Variants in PAFAH1B2 observed in about 807,000 individuals in gnomAD.
PAFAH1B2 encodes the protein platelet activating factor acetylhydrolase 1b catalytic subunit 2, also known as platelet-activating factor acetylhydrolase IB subunit alpha2.
A neutral mutation model predicts 28.0 loss-of-function variants in PAFAH1B2; 8 were observed. The ratio of observed to expected loss-of-function variants is 0.29; its 90% CI spans 0.17 to 0.52. The LOEUF is 0.52. Ranked by LOEUF, PAFAH1B2 falls within the 20% of genes least tolerant of loss-of-function variation. The pLI is 0.97. For missense variants in PAFAH1B2, 190 were observed against 282.6 expected (o/e 0.67, Z 2.35); for synonymous variants, 104 against 103.2 (o/e 1.01, Z -0.05).
chr11:117,147,888 G>A (rs961138468), intron 1 of PAFAH1B2, among the ~76,000 whole-genome samples: 15 of 151,946 alleles, frequency 9.9e-5, no homozygotes, highest in African/African-American at 3.6e-4. Flanking sequence ...TTTGTTCCTC[G>A]GTTTCTCTAT....
chr11:117,175,522 T>C, downstream of PAFAH1B2: 4 of 1,099,166 alleles, frequency 3.6e-6, no homozygotes, highest in Non-Finnish European at 4.4e-6. Flanking sequence ...AAGGGAAGGA[T>C]CCCTTCAGAG....
chr11:117,175,145 C>T (rs971302590), downstream of PAFAH1B2: 5 of 1,193,062 alleles, frequency 4.2e-6, no homozygotes, highest in Admixed American at 1.8e-4. Flanking sequence ...TGGCCCCACC[C>T]TGACCGCTTG....
downstream of PAFAH1B2, among the ~76,000 whole-genome samples, chr11:117,172,368 A>C (rs1956670606): frequency 4.2e-4 from 2 of 4,710 alleles, no homozygotes; most frequent in Non-Finnish European, 6.6e-4. Context: ...ATATATATAT[A>C]TATATATATA....
chr11:117,149,890 C>T (rs995888151), intron 1 of PAFAH1B2, among the ~76,000 whole-genome samples: 2 of 151,870 alleles, frequency 1.3e-5, no homozygotes, highest in Non-Finnish European at 2.9e-5. Flanking sequence ...CTCAGGAGTT[C>T]GAGACCAGTC....
chr11:117,152,576 T>G (rs779795490), intron 2 of PAFAH1B2, 48 bp downstream of exon 2: 2 of 1,331,570 alleles, frequency 1.5e-6, no homozygotes, highest in Non-Finnish European at 2.2e-6. Context: ...AGTCTCCAGT[T>G]TTTTGTCTGT....
chr11:117,148,652 G>A (rs923986227), intron 1 of PAFAH1B2, among the ~76,000 whole-genome samples: 12 of 152,154 alleles, frequency 7.9e-5, no homozygotes, highest in Non-Finnish European at 1.2e-4. Context: ...GCTGGGAGTG[G>A]TAGTGTGTGC....
At chr11:117,162,043 TATATC>T (rs1420179163) in intron 4 of PAFAH1B2, among the ~76,000 whole-genome samples, 1 of 152,192 alleles carries the variant, frequency 6.6e-6, no homozygotes, top group Non-Finnish European at 1.5e-5. Context: ...CCCAGTATCT[TATATC>T]ATAAATACTC....
chr11:117,171,681 G>A (rs570966706), downstream of PAFAH1B2: 359 of 1,534,220 alleles, frequency 2.3e-4, no homozygotes, highest in African/African-American at 2.2e-3. Flanking sequence ...AACAAGGGTC[G>A]GTTAACTGGT....
chr11:117,161,127 A>C lies in PAFAH1B2; in HGVS notation c.172-18A>C. On this transcript the variant is annotated intron_variant, in intron 3 of 5. Coordinates refer to ENST00000527958, the MANE Select transcript of PAFAH1B2 (RefSeq NM_002572.4). ...CCCCTAGTTTTAGGTACACTAAATCAAGTTTTTCTTTTTTTAGATATGGCG... is the reference window on the plus strand; with the variant it reads ...CCCCTAGTTTTAGGTACACTAAATCCAGTTTTTCTTTTTTTAGATATGGCG... 1 of 1,506,702 alleles carries C rather than the reference A, an allele frequency of 6.6e-7. No individual in the cohort carries two copies. Among genetic ancestry groups the C allele is most frequent in the Non-Finnish European group, 9.1e-7 (1 of 1,102,332 alleles). The allele number at this position is 1,506,702 out of a possible 1,614,324, so 93.3% of individuals were successfully genotyped here. A position where few individuals can be genotyped will look rare whatever the true frequency, so the allele number is the denominator to read the frequency against.
downstream of PAFAH1B2, among the ~76,000 whole-genome samples, chr11:117,173,963 C>T (rs562887476): frequency 5.3e-5 from 8 of 152,288 alleles, no homozygotes; most frequent in South Asian, 1.4e-3. Flanking sequence ...TCATTTCCTT[C>T]AGAGGGGTTG....
At chr11:117,175,872 G>T (rs746558268), downstream of PAFAH1B2, 1 of 1,532,336 alleles carries the variant, frequency 6.5e-7, no homozygotes, top group South Asian at 1.2e-5. Context: ...GACCAGCCTG[G>T]GCAATGTATC....
chr11:117,155,729 C>T (rs745637132), intron 2 of PAFAH1B2, among the ~76,000 whole-genome samples: 1 of 151,910 alleles, frequency 6.6e-6, no homozygotes, highest in East Asian at 1.9e-4. Context: ...TTACTAGATT[C>T]ACAAAAAGAG....
At chr11:117,163,735 A>G (rs1409426764) in intron 4 of PAFAH1B2, 35 bp from the exon 5 acceptor site, 4 of 1,602,984 alleles carry the variant, frequency 2.5e-6, no homozygotes, top group Non-Finnish European at 3.4e-6. Context: ...CTGGGTATTT[A>G]TCTTCTCCTT....
rs1451827629 is a variant in PAFAH1B2 at position 117,161,271 on chromosome 11, A to G, written c.288+10A>G. 1 of 1,420,168 alleles carries G rather than the reference A, an allele frequency of 7.0e-7. No individual in the cohort carries two copies. 88.0% of individuals were successfully genotyped at this position (1,420,168 alleles called of 1,614,324 possible). A position where few individuals can be genotyped will look rare whatever the true frequency, so the allele number is the denominator to read the frequency against. On this transcript the variant is annotated intron_variant, in intron 4 of 5. Transcript: ENST00000527958. ...GAATATTAAGCCTAAGGTGAAATGA[A>G]AGTTACTTGTCAATGTCATTAATCT...
At chr11:117,173,827 A>G (rs1956723043), downstream of PAFAH1B2, among the ~76,000 whole-genome samples, 1 of 152,196 alleles carries the variant, frequency 6.6e-6, no homozygotes, top group Non-Finnish European at 1.5e-5. Context: ...AAAGAACAGA[A>G]CTTGTATGAT....
chr11:117,155,663 G>A (rs1591738765), intron 2 of PAFAH1B2, among the ~76,000 whole-genome samples: 1 of 151,914 alleles, frequency 6.6e-6, no homozygotes, highest in East Asian at 1.9e-4. Flanking sequence ...GATTTATTTT[G>A]ACTAAGAATT....
Position 117,168,437 on chromosome 11 carries a change from C to T in PAFAH1B2, c.*738C>T, listed in dbSNP as rs1225517369. 1.3e-4 allele frequency: 89 copies of T among 699,896 alleles called. No individual in the cohort carries two copies. The highest frequency in any genetic ancestry group is 1.8e-4 in the African/African-American group (6 of 33,540). The allele number at this position is 699,896 out of a possible 1,614,324, so 43.4% of individuals were successfully genotyped here. The stretch of plus-strand genomic sequence containing the variant: ...GCCCCCCTTTCCCCTTCATTCCCCC[C>T]GCCACCCCGTTTTTTTTTTTTTTTT... On this transcript the variant is annotated 3_prime_UTR_variant, in exon 6 of 6. Transcript: ENST00000527958.
intron 5 of PAFAH1B2, 125 bp downstream of exon 5, chr11:117,164,017 T>G: frequency 1.1e-6 from 1 of 887,516 alleles, no homozygotes; most frequent in Middle Eastern, 2.3e-4. Flanking sequence ...ATACTTTCGT[T>G]GACCTCTTCT....
At chr11:117,152,825 C>T (rs1177089398) in intron 2 of PAFAH1B2, among the ~76,000 whole-genome samples, 4 of 152,198 alleles carry the variant, frequency 2.6e-5, no homozygotes, top group Non-Finnish European at 5.9e-5. Flanking sequence ...ATAATCCCAA[C>T]ACTTGGGGAG....
Sources: allele counts gnomAD v4.1 joint callset (sites outside exome capture counted in the v4.1 genomes callset), GRCh38; gene constraint gnomAD v4.1.1; transcripts MANE v1.5; gene names NCBI Gene and HGNC (gene_info 2026-07-23, HGNC 2026-07-21).